Variants in SPINK6 observed in about 807,000 individuals in gnomAD.
The protein encoded by SPINK6 is serine protease inhibitor Kazal-type 6.
A neutral mutation model predicts 11.7 loss-of-function variants in SPINK6; 13 were observed. That is an observed-to-expected ratio of 1.11 (90% confidence interval 0.72 to 1.76). The LOEUF is 1.76. SPINK6 is among the 40% of genes most tolerant of loss of function. SPINK6 has a pLI of 0.00. For synonymous variants in SPINK6, 21 were observed against 31.9 expected, an observed-to-expected ratio of 0.66 and a Z score of 1.15; for missense variants, 98 against 93.7, an observed-to-expected ratio of 1.05 and a Z score of -0.19.
At chr5:148,209,303 A>G (rs1323277862) in intron 2 of SPINK6, among the ~76,000 whole-genome samples, 1 of 152,184 alleles carries the variant, frequency 6.6e-6, no homozygotes, top group Non-Finnish European at 1.5e-5. Context: ...CAAAGTCAAC[A>G]CTTCAAGACT....
intron 1 of SPINK6, 129 bp downstream of exon 1, chr5:148,203,283 T>C: frequency 1.5e-6 from 1 of 664,958 alleles, no homozygotes; most frequent in Non-Finnish European, 2.5e-6. Context: ...ATCATAATGA[T>C]GATAATGATT....
chr5:148,204,402 C>T (rs1379185017), intron 1 of SPINK6, among the ~76,000 whole-genome samples: 3 of 151,012 alleles, frequency 2.0e-5, no homozygotes, highest in Middle Eastern at 3.2e-3. Flanking sequence ...ATTTCCTTTT[C>T]TTCTCTTTAC....
chr5:148,209,954 A>G (rs79426997), intron 2 of SPINK6, among the ~76,000 whole-genome samples: 5 of 12,766 alleles, frequency 3.9e-4, no homozygotes, highest in East Asian at 2.2e-3. Context: ...GGTTTCATAT[A>G]TATGTATACA....
At chr5:148,202,935 G>T (rs1755451291), upstream of SPINK6, 4 of 473,234 alleles carry the variant, frequency 8.5e-6, no homozygotes, top group Non-Finnish European at 1.5e-5. Context: ...GATTGATGGG[G>T]AGCATGAAGC....
intron 2 of SPINK6, among the ~76,000 whole-genome samples, chr5:148,207,021 T>TTGTGTGTG (rs61655416): frequency 0.013 from 2,022 of 150,086 alleles, 48 homozygotes; most frequent in African/African-American, 0.046. Flanking sequence ...GATGATGCAT[T>TTGTGTGTG]TGTGTGTGTG....
At chr5:148,207,743 C>T (rs1261822422) in intron 2 of SPINK6, among the ~76,000 whole-genome samples, 2 of 152,048 alleles carry the variant, frequency 1.3e-5, no homozygotes, top group Admixed American at 1.3e-4. Flanking sequence ...GCAGGAGAAT[C>T]CCCTGAGCCC....
rs1755663787 is a variant in SPINK6, at chr5:148,215,034, C to A, written c.*84C>A. ...TGCTTATACTTTTGCTGGTGGATTC[C>A]TTTAATTCATAAAGACATACCTACT... On this transcript the variant is annotated 3_prime_UTR_variant, in exon 4 of 4. Coordinates refer to ENST00000325630, the MANE Select transcript of SPINK6 (RefSeq NM_205841.4). 6 of 1,358,636 alleles carry A rather than the reference C, an allele frequency of 4.4e-6. No homozygotes were observed. The Admixed American group carries it at 1.0e-4, about 24-fold the overall frequency. The allele number at this position is 1,358,636 out of a possible 1,614,324, so 84.2% of individuals were successfully genotyped here. A position where few individuals can be genotyped will look rare whatever the true frequency, so the allele number is the denominator to read the frequency against.
chr5:148,202,847 T>C (rs57146453), upstream of SPINK6: 7,554 of 376,878 alleles, frequency 0.02, 942 homozygotes, highest in East Asian at 0.27. Flanking sequence ...GTTAGGAAAA[T>C]GTAGGCTACC....
At chr5:148,212,515 T>C (rs1755613268) in intron 2 of SPINK6, among the ~76,000 whole-genome samples, 1 of 127,878 alleles carries the variant, frequency 7.8e-6, no homozygotes, top group Admixed American at 9.4e-5. Flanking sequence ...ATATTTTATA[T>C]ATATAAAGTA....
chr5:148,207,495 C>G (rs116058112), intron 2 of SPINK6, among the ~76,000 whole-genome samples: 1,984 of 152,046 alleles, frequency 0.013, 49 homozygotes, highest in African/African-American at 0.046. Flanking sequence ...AGTATAGCTG[C>G]TCAGGCCCAA....
chr5:148,203,691 T>C (rs999077418), intron 1 of SPINK6, among the ~76,000 whole-genome samples: 3 of 152,160 alleles, frequency 2.0e-5, no homozygotes, highest in African/African-American at 7.2e-5. Flanking sequence ...GGAAACTCAA[T>C]GAGAAAAATC....
At chr5:148,209,963 C>CAGACACACGTACGTATGTATGT (rs1561732054) in intron 2 of SPINK6, among the ~76,000 whole-genome samples, 4 of 149,282 alleles carry the variant, frequency 2.7e-5, no homozygotes, top group Non-Finnish European at 4.4e-5. Context: ...TATATGTATA[C>CAGACACACGTACGTATGTATGT]ATACATACGT....
At position 148,205,875 on chromosome 5, in the gene SPINK6, AAAG is replaced by A. The variant is rs200990707; in HGVS notation, c.59-146_59-144del. Among the ~76,000 whole-genome samples, 227 of 152,124 alleles carry A rather than the reference AAAG, an allele frequency of 1.5e-3. 1 individual carries two copies. The highest frequency in any genetic ancestry group is 4.6e-3 in the African/African-American group (189 of 41,490). The stretch of plus-strand genomic sequence containing the variant: ...TAAGAAGTGAGCAGATTAAAAAAAA[AAAG>A]AAGAAGAAGAAGAAAACAAAAACAA... On this transcript the variant is annotated intron_variant, in intron 1 of 3. Coordinates refer to ENST00000325630, the MANE Select transcript of SPINK6 (RefSeq NM_205841.4).
chr5:148,211,147 A>G (rs1250105419), intron 2 of SPINK6, among the ~76,000 whole-genome samples: 2 of 122,332 alleles, frequency 1.6e-5, no homozygotes, highest in African/African-American at 1.3e-4. Context: ...TGGGGCCCAG[A>G]GAGAGTGGTC....
At chr5:148,213,126 A>C (rs995790461) in intron 2 of SPINK6, among the ~76,000 whole-genome samples, 2 of 151,876 alleles carry the variant, frequency 1.3e-5, no homozygotes, top group African/African-American at 4.8e-5. Context: ...TTATGGATGG[A>C]TATTGCATCC....
intron 1 of SPINK6, among the ~76,000 whole-genome samples, chr5:148,203,419 C>T (rs1046645155): frequency 1.3e-5 from 2 of 152,088 alleles, no homozygotes; most frequent in African/African-American, 4.8e-5. Flanking sequence ...TAAGGTATTT[C>T]TATCTCTGTT....
chr5:148,206,329 C>G (rs1328732613), intron 2 of SPINK6, among the ~76,000 whole-genome samples: 5 of 152,120 alleles, frequency 3.3e-5, no homozygotes, highest in Non-Finnish European at 7.4e-5. Flanking sequence ...TCATTGATTT[C>G]ACTGTGTGAT....
chr5:148,211,351 A>G (rs1755594943), intron 2 of SPINK6, among the ~76,000 whole-genome samples: 1 of 152,246 alleles, frequency 6.6e-6, no homozygotes, highest in Admixed American at 6.5e-5. Flanking sequence ...AAGCTAGAAG[A>G]GTCCCAGGAT....
At chr5:148,207,761 G>A (rs1324397551) in intron 2 of SPINK6, among the ~76,000 whole-genome samples, 1 of 152,126 alleles carries the variant, frequency 6.6e-6, no homozygotes, top group Non-Finnish European at 1.5e-5. Flanking sequence ...CCCAGGAGGT[G>A]GAGGTGCAGT....
Sources: gnomAD v4.1 joint callset for allele counts (sites outside exome capture counted in the v4.1 genomes callset) on GRCh38, gnomAD v4.1.1 for gene constraint, MANE v1.5 for transcripts, NCBI Gene and HGNC (gene_info 2026-07-23, HGNC 2026-07-21) for gene names.